DMC1: variants seen among roughly 807,000 people sequenced by gnomAD.
DMC1 encodes the protein meiotic recombination protein DMC1 homolog.
In DMC1, 27 loss-of-function variants were observed where a neutral mutation model predicts 50.1. The ratio of observed to expected loss-of-function variants is 0.54; its 90% CI spans 0.40 to 0.74. The LOEUF is 0.74. DMC1 is among the 30% of genes least tolerant of loss of function. The probability of loss-of-function intolerance (pLI) is 0.00; values close to 1 mark genes in which losing one functional copy is unlikely to be tolerated. For synonymous variants in DMC1, 148 were observed against 136.1 expected (o/e 1.09, Z -0.61); for missense variants, 295 against 420.2 (o/e 0.70, Z 2.60).
In DMC1 at chr22:38,519,816, A is replaced by G; in HGVS notation, c.*204T>C. 5 of 533,876 alleles carry G rather than the reference A, an allele frequency of 9.4e-6. No individual in the cohort carries two copies. Among genetic ancestry groups the G allele is most frequent in the Non-Finnish European group, 1.7e-5 (5 of 291,916 alleles). The allele number at this position is 533,876 out of a possible 1,614,324, so 33.1% of individuals were successfully genotyped here. On this transcript the variant is annotated 3_prime_UTR_variant, in exon 14 of 14. Transcript: ENST00000216024. ...CACACACACACACAAACATACATAT[A>G]CATATCCCTGAATTTACATACAATG...
chr22:38,568,451 T>TTGTG (rs11570378), intron 1 of DMC1, 162 bp from the exon 2 acceptor site: 100 of 591,678 alleles, frequency 1.7e-4, no homozygotes, highest in Admixed American at 7.2e-4. Flanking sequence ...ACATTATTTC[T>TTGTG]TGTGTGTGTG....
intron 12 of DMC1, among the ~76,000 whole-genome samples, chr22:38,523,624 A>G (rs2090054241): frequency 6.6e-6 from 1 of 152,172 alleles, no homozygotes. Context: ...ACAACCAGGC[A>G]CACAGTGGGT....
intron 7 of DMC1, 134 bp from the exon 8 acceptor site, chr22:38,550,131 A>T: frequency 3.0e-6 from 2 of 662,050 alleles, no homozygotes; most frequent in Non-Finnish European, 5.4e-6. Flanking sequence ...TTCGTTTCTA[A>T]ACAACATGTT....
At chr22:38,523,071 C>T (rs557428311) in intron 12 of DMC1, among the ~76,000 whole-genome samples, 9 of 152,228 alleles carry the variant, frequency 5.9e-5, no homozygotes, top group African/African-American at 1.9e-4. Flanking sequence ...TAGTGAGGCC[C>T]TCTTAAAAAC....
chr22:38,520,978 C>T (rs1362579784), intron 13 of DMC1, among the ~76,000 whole-genome samples: 4 of 151,610 alleles, frequency 2.6e-5, no homozygotes, highest in Non-Finnish European at 5.9e-5. Flanking sequence ...TCAGGTGATC[C>T]GCCCACCTCG....
chr22:38,547,643 G>C (rs915100631), intron 8 of DMC1, among the ~76,000 whole-genome samples: 1 of 151,968 alleles, frequency 6.6e-6, no homozygotes, highest in African/African-American at 2.4e-5. Flanking sequence ...CAGTTCAAGC[G>C]ATTCTCCTGC....
Position 38,520,945 on chromosome 22 carries a change from C to T in DMC1, c.953+663G>A, listed in dbSNP as rs11570433. On this transcript the variant is annotated intron_variant, in intron 13 of 13. Coordinates refer to ENST00000216024, the MANE Select transcript of DMC1 (RefSeq NM_007068.4). ...GGGCTGGAGTGCAGTGGCGCGATCT[C>T]GGCTAGTCTCAAACTTCTGGCCTCA... 1.0e-4 allele frequency among the ~76,000 whole-genome samples: 15 copies of T among 149,716 alleles called. No individual in the cohort carries two copies. In the East Asian group the frequency reaches 2.0e-3, roughly 20 times the overall value.
intron 12 of DMC1, among the ~76,000 whole-genome samples, chr22:38,524,464 AAAAG>A (rs1489004246): frequency 6.6e-6 from 1 of 152,030 alleles, no homozygotes; most frequent in African/African-American, 2.4e-5. Flanking sequence ...TAATAAATAA[AAAAG>A]AAAATAAGGG....
chr22:38,552,126 G>C (rs910012715), intron 7 of DMC1, among the ~76,000 whole-genome samples: 7 of 152,044 alleles, frequency 4.6e-5, no homozygotes, highest in African/African-American at 1.7e-4. Flanking sequence ...CTCCCAAAGT[G>C]CTGGGATTAC....
chr22:38,540,683 T>C (rs1316056424), intron 8 of DMC1, among the ~76,000 whole-genome samples: 2 of 152,218 alleles, frequency 1.3e-5, no homozygotes, highest in Admixed American at 1.3e-4. Flanking sequence ...ATGCACTAGA[T>C]ATGTTCTTGT....
chr22:38,536,951 A>G (rs1052346568), intron 12 of DMC1, among the ~76,000 whole-genome samples: 3 of 152,130 alleles, frequency 2.0e-5, no homozygotes, highest in African/African-American at 4.8e-5. Context: ...CCCAGGTTCA[A>G]GTGATTCTCC....
chr22:38,520,372 ATT>A (rs58563189), intron 13 of DMC1, among the ~76,000 whole-genome samples: 2 of 147,274 alleles, frequency 1.4e-5, no homozygotes, highest in African/African-American at 2.5e-5. Flanking sequence ...ATTTATTTTA[ATT>A]TTTTTTTTTT....
chr22:38,564,313 C>T (rs1014229963), intron 4 of DMC1, among the ~76,000 whole-genome samples: 1 of 151,364 alleles, frequency 6.6e-6, no homozygotes, highest in Admixed American at 6.6e-5. Flanking sequence ...CTCTCTCTCT[C>T]TTTTTTTTTC....
chr22:38,529,936 T>A (rs952912222), intron 12 of DMC1, among the ~76,000 whole-genome samples: 1 of 152,044 alleles, frequency 6.6e-6, no homozygotes, highest in African/African-American at 2.4e-5. Context: ...AAGTGGTCCA[T>A]TGAGGAGAGA....
At chr22:38,524,149 C>T (rs1191428665) in intron 12 of DMC1, among the ~76,000 whole-genome samples, 1 of 152,154 alleles carries the variant, frequency 6.6e-6, no homozygotes, top group Non-Finnish European at 1.5e-5. Flanking sequence ...GGCACAGTGG[C>T]TCATGCCTGT....
intron 12 of DMC1, among the ~76,000 whole-genome samples, chr22:38,527,761 C>T (rs1002231123): frequency 6.6e-6 from 1 of 151,904 alleles, no homozygotes; most frequent in East Asian, 1.9e-4. Flanking sequence ...TCAGATGATC[C>T]ACCTGCCTCA....
intron 9 of DMC1, 109 bp downstream of exon 9, chr22:38,539,212 G>A (rs2090252472): frequency 1.2e-6 from 1 of 801,476 alleles, no homozygotes; most frequent in Admixed American, 2.1e-5. Context: ...AATTAATTTA[G>A]AGAAAAATAA....
In DMC1 at chr22:38,539,387, C is replaced by A. The variant is rs1360641809; in HGVS notation, c.520G>T (p.Ala174Ser). 2 of 1,613,938 alleles carry A rather than the reference C, an allele frequency of 1.2e-6. No individual in the cohort carries two copies. The highest frequency in any genetic ancestry group is 1.7e-5 in the Admixed American group (1 of 59,988). Reference protein sequence around the residue: ...TFRPDRLRDIADRFNVDHDAV... With the variant: ...TFRPDRLRDISDRFNVDHDAV... The stretch of plus-strand genomic sequence containing the variant: ...TCATGGTCTACATTAAAGCGATCAG[C>A]AATGTCCCTAAGGCGATCTGGACGG... The change falls in exon 9 of 14, where the codon GCT (alanine) becomes TCT (serine). Residue 174 changes from alanine (A) to serine (S), a missense_variant. Ala to Ser is a moderately conservative substitution (Grantham distance 99). Transcript: ENST00000216024.
intron 12 of DMC1, among the ~76,000 whole-genome samples, chr22:38,524,092 T>G (rs2090060130): frequency 1.3e-5 from 2 of 152,146 alleles, no homozygotes; most frequent in South Asian, 4.1e-4. Context: ...CCCCTCACCT[T>G]GGATGACATT....
Sources: gnomAD v4.1 joint callset for allele counts (sites outside exome capture counted in the v4.1 genomes callset) on GRCh38, gnomAD v4.1.1 for gene constraint, MANE v1.5 for transcripts, NCBI Gene and HGNC (gene_info 2026-07-23, HGNC 2026-07-21) for gene names.